Variants in SRCIN1 observed in about 807,000 individuals in gnomAD.
The protein encoded by SRCIN1 is SRC kinase signaling inhibitor 1, also known as P130Cas-associated protein.
A neutral mutation model predicts 116.2 loss-of-function variants in SRCIN1; 50 were observed. That is an observed-to-expected ratio of 0.43 (90% CI 0.34 to 0.54). The LOEUF (loss-of-function observed/expected upper bound fraction) is 0.54, where lower values mean the gene tolerates loss of function less well. SRCIN1 is among the 20% of genes least tolerant of loss of function. The probability of loss-of-function intolerance (pLI) is 0.02; values close to 1 mark genes in which losing one functional copy is unlikely to be tolerated. For missense variants in SRCIN1, 1,446 were observed against 1,672.0 expected (o/e 0.86, Z 2.36); for synonymous variants, 736 against 750.0 (o/e 0.98, Z 0.30).
At chr17:38,549,260 A>G in intron 15 of SRCIN1, 50 bp from the exon 16 acceptor site, 3 of 1,464,744 alleles carry the variant, frequency 2.0e-6, no homozygotes, top group Middle Eastern at 2.5e-4. Context: ...CCTTGGAGTC[A>G]GTGCACTACA....
intron 1 of SRCIN1, among the ~76,000 whole-genome samples, chr17:38,586,556 A>G (rs935312755): frequency 6.6e-6 from 1 of 152,142 alleles, no homozygotes; most frequent in Non-Finnish European, 1.5e-5. Flanking sequence ...GGTGGGGGTA[A>G]GAAGGGGGAC....
intron 1 of SRCIN1, among the ~76,000 whole-genome samples, chr17:38,584,355 T>C (rs16966483): frequency 0.095 from 14,488 of 152,132 alleles, 889 homozygotes; most frequent in African/African-American, 0.17. Context: ...ATTTTTTGAG[T>C]CCGAGATTCA....
rs1446050238 is a variant in SRCIN1, at chr17:38,585,912, C to A, written c.23-7121G>T. On this transcript the variant is annotated intron_variant, in intron 1 of 18. Coordinates refer to ENST00000617146, the MANE Select transcript of SRCIN1 (RefSeq NM_025248.3). This position sits in a 1 kb window ranked among gnomAD's most constrained non-coding sequence, Gnocchi z 4.2. ...CAGGGGGCTCCTGCCTAGCTCCTGG[C>A]ACAGAGCGGGGGCCAGAAACTCTGC... Among the ~76,000 whole-genome samples the A allele has an allele frequency of 6.6e-6, 1 of 152,144 alleles. No homozygotes were observed. The highest frequency in any genetic ancestry group is 2.4e-5 in the African/African-American group (1 of 41,412).
At chr17:38,567,253 T>C (rs915173843) in intron 3 of SRCIN1, among the ~76,000 whole-genome samples, 5 of 152,248 alleles carry the variant, frequency 3.3e-5, no homozygotes, top group Admixed American at 6.5e-5. Context: ...ATTGTCGTTC[T>C]ACTCTACAGA....
chr17:38,569,247 C>CA (rs1906917955), intron 2 of SRCIN1, among the ~76,000 whole-genome samples: 1 of 152,214 alleles, frequency 6.6e-6, no homozygotes, highest in Non-Finnish European at 1.5e-5. Context: ...TGGCTTAGTA[C>CA]AAGGAAAGAG....
In SRCIN1 at chr17:38,552,223, C is replaced by A; in HGVS notation, c.2481-91G>T. The A allele has an allele frequency of 6.5e-7, 1 of 1,530,838 alleles. No individual in the cohort carries two copies. Among genetic ancestry groups the A allele is most frequent in the African/African-American group, 1.4e-5 (1 of 72,842 alleles). The allele number at this position is 1,530,838 out of a possible 1,614,324, so 94.8% of individuals were successfully genotyped here. ...GCTCTGAGGGAGGTGGGGTGGGAGG[C>A]AGGCTCTGGGATGCTGTGGGAGGGC... On this transcript the variant is annotated intron_variant, in intron 13 of 18. Coordinates refer to ENST00000617146, the MANE Select transcript of SRCIN1 (RefSeq NM_025248.3). This position sits in a 1 kb window ranked among gnomAD's most constrained non-coding sequence, Gnocchi z 5.3.
intron 2 of SRCIN1, among the ~76,000 whole-genome samples, chr17:38,576,462 C>G (rs913446110): frequency 3.9e-5 from 6 of 152,030 alleles, no homozygotes; most frequent in Non-Finnish European, 7.4e-5. Flanking sequence ...TCCCCTTTCC[C>G]CAAACATCAT....
In SRCIN1 at chr17:38,532,744, G is replaced by A. The variant is rs1215912086; in HGVS notation, c.*553C>T. On this transcript the variant is annotated 3_prime_UTR_variant, in exon 19 of 19. Transcript: ENST00000617146. The surrounding 1 kb of genome is among the most constrained non-coding windows in gnomAD (Gnocchi z 4.3). ...CACAGTCTTGTCGGAGCTTAGACAG[G>A]GAGTGGGGCATCTCCAAGGCCAGTC... 4 of 152,474 alleles carry A rather than the reference G, an allele frequency of 2.6e-5. No individual in the cohort carries two copies. The highest frequency in any genetic ancestry group is 9.6e-5 in the African/African-American group (4 of 41,474). 9.4% of individuals were successfully genotyped at this position (152,474 alleles called of 1,614,324 possible). A position where few individuals can be genotyped will look rare whatever the true frequency, so the allele number is the denominator to read the frequency against.
intron 1 of SRCIN1, among the ~76,000 whole-genome samples, chr17:38,596,587 T>C (rs752586356): frequency 4.6e-5 from 7 of 152,026 alleles, no homozygotes; most frequent in South Asian, 2.1e-4. Context: ...TCATGCCAGG[T>C]TATGCCATTC....
intron 8 of SRCIN1, 70 bp downstream of exon 8, chr17:38,560,263 C>T (rs1906145647): frequency 6.7e-6 from 10 of 1,500,020 alleles, no homozygotes; most frequent in East Asian, 2.5e-5. Flanking sequence ...CTGGCAGAGC[C>T]GATGCCCATT....
At chr17:38,565,111 T>G (rs1906594775) in intron 3 of SRCIN1, among the ~76,000 whole-genome samples, 1 of 150,618 alleles carries the variant, frequency 6.6e-6, no homozygotes, top group Non-Finnish European at 1.5e-5. Flanking sequence ...TGGCTGGGGG[T>G]GGGGGAGGAT....
Position 38,533,132 on chromosome 17 carries a change from A to G in SRCIN1, c.*165T>C. 1 of 570,742 alleles carries G rather than the reference A, an allele frequency of 1.8e-6. No homozygotes were observed. Among genetic ancestry groups the G allele is most frequent in the Non-Finnish European group, 2.6e-6 (1 of 386,970 alleles). The allele number at this position is 570,742 out of a possible 1,614,324, so 35.4% of individuals were successfully genotyped here. ...AAAAAACAAAACCAAAAACACCAACAGATGATGGGTAGGGGTCGCTGAGGA... is the reference window on the plus strand; with the variant it reads ...AAAAAACAAAACCAAAAACACCAACGGATGATGGGTAGGGGTCGCTGAGGA... On this transcript the variant is annotated 3_prime_UTR_variant, in exon 19 of 19. Transcript: ENST00000617146.
intron 2 of SRCIN1, among the ~76,000 whole-genome samples, chr17:38,570,474 C>A (rs868133809): frequency 3.3e-5 from 5 of 152,230 alleles, no homozygotes; most frequent in Non-Finnish European, 5.9e-5. Context: ...CACCTACGTA[C>A]AAAGAGAAAG....
rs374111642 is a variant in SRCIN1 at position 38,533,004 on chromosome 17, C to T, written c.*293G>A. 4.9e-5 allele frequency: 11 copies of T among 225,730 alleles called. No individual in the cohort carries two copies. The highest frequency in any genetic ancestry group is 4.6e-4 in the South Asian group (3 of 6,514). 14.0% of individuals were successfully genotyped at this position (225,730 alleles called of 1,614,324 possible). A position where few individuals can be genotyped will look rare whatever the true frequency, so the allele number is the denominator to read the frequency against. The stretch of plus-strand genomic sequence containing the variant: ...AGAAGAAGGAGAGATGTGACAGGTG[C>T]GGCCAGCGAGAGGCCAGCTGGGATC... On this transcript the variant is annotated 3_prime_UTR_variant, in exon 19 of 19. Coordinates refer to ENST00000617146, the MANE Select transcript of SRCIN1 (RefSeq NM_025248.3).
At position 38,583,277 on chromosome 17, in the gene SRCIN1, G is replaced by A. The variant is rs183101271; in HGVS notation, c.23-4486C>T. Among the ~76,000 whole-genome samples, 331 of 152,248 alleles carry A rather than the reference G, an allele frequency of 2.2e-3. 4 individuals carry two copies. Among genetic ancestry groups the A allele is most frequent in the African/African-American group, 7.7e-3 (322 of 41,556 alleles). On this transcript the variant is annotated intron_variant, in intron 1 of 18. Coordinates refer to ENST00000617146, the MANE Select transcript of SRCIN1 (RefSeq NM_025248.3). Reference sequence around the variant, plus strand: ...TTTTGTAGAGATGGGGTTTTGCCATGTGGCCCAGGCTGGTCTCCACCTCCT... The same window carrying A: ...TTTTGTAGAGATGGGGTTTTGCCATATGGCCCAGGCTGGTCTCCACCTCCT...
At chr17:38,588,839 A>C (rs1482664234) in intron 1 of SRCIN1, among the ~76,000 whole-genome samples, 1 of 152,194 alleles carries the variant, frequency 6.6e-6, no homozygotes, top group Non-Finnish European at 1.5e-5. Context: ...ATTGGGCAGG[A>C]GACCCAGCCT....
In SRCIN1 at chr17:38,568,419, G is replaced by A. The variant is rs1906859780; in HGVS notation, c.325-188C>T. 6.6e-6 allele frequency among the ~76,000 whole-genome samples: 1 copy of A among 152,198 alleles called. No individual in the cohort carries two copies. The highest frequency in any genetic ancestry group is 1.9e-4 in the East Asian group (1 of 5,186). ...CTCTACTGAGACCTGGAACACCATG[G>A]TGTACCCAGGATGGCCCTGAGCAGG... On this transcript the variant is annotated intron_variant, in intron 2 of 18. Coordinates refer to ENST00000617146, the MANE Select transcript of SRCIN1 (RefSeq NM_025248.3). The surrounding 1 kb of genome is among the most constrained non-coding windows in gnomAD (Gnocchi z 4.5).
At chr17:38,573,110 C>A (rs957640573) in intron 2 of SRCIN1, among the ~76,000 whole-genome samples, 28 of 152,216 alleles carry the variant, frequency 1.8e-4, no homozygotes, top group African/African-American at 6.5e-4. Context: ...TGGAGTCCAA[C>A]CTCTGGTGCC....
chr17:38,560,299 G>T, intron 8 of SRCIN1, 34 bp downstream of exon 8: 1 of 1,580,600 alleles, frequency 6.3e-7, no homozygotes, highest in Non-Finnish European at 8.6e-7. Flanking sequence ...TCCACCCCTA[G>T]GCCCTGGCAG....
Sources: allele counts gnomAD v4.1 joint callset (sites outside exome capture counted in the v4.1 genomes callset), GRCh38; gene constraint gnomAD v4.1.1; non-coding constraint Gnocchi (gnomAD v3.1); transcripts MANE v1.5; gene names NCBI Gene and HGNC (gene_info 2026-07-23, HGNC 2026-07-21).